CAST: variants seen among roughly 807,000 people sequenced by gnomAD.
CAST encodes calpastatin, also known as MIR583 host.
CAST carries 76 observed loss-of-function variants against 119.6 expected under a neutral mutation model. That is an observed-to-expected ratio of 0.64 (90% CI 0.53 to 0.77). CAST has a LOEUF of 0.77. CAST is among the 30% of genes least tolerant of loss of function. The probability of loss-of-function intolerance (pLI) is 0.00; values close to 1 mark genes in which losing one functional copy is unlikely to be tolerated. For missense variants in CAST, 953 were observed against 946.5 expected, an observed-to-expected ratio of 1.01 and a Z score of -0.09; for synonymous variants, 319 against 331.6, an observed-to-expected ratio of 0.96 and a Z score of 0.41.
chr5:96,304,494 T>C, the CAST span, among the ~76,000 whole-genome samples: 2 of 152,224 alleles, frequency 1.3e-5, no homozygotes, highest in African/African-American at 4.8e-5. Flanking sequence ...TTGCCATTGC[T>C]TTTGGTGTTT....
chr5:96,582,516 G>T (rs976790891), intron 1 of CAST, among the ~76,000 whole-genome samples: 1 of 152,232 alleles, frequency 6.6e-6, no homozygotes, highest in Admixed American at 6.5e-5. Flanking sequence ...CTCGCTGTGT[G>T]TCTAAGATCG....
the CAST span, among the ~76,000 whole-genome samples, chr5:96,129,837 G>A: frequency 7.3e-6 from 1 of 136,072 alleles, no homozygotes; most frequent in African/African-American, 2.7e-5. Context: ...ATACTATGAA[G>A]CTATTTCTAA....
chr5:96,082,184 T>C, the CAST span, among the ~76,000 whole-genome samples: 1 of 152,222 alleles, frequency 6.6e-6, no homozygotes, highest in Non-Finnish European at 1.5e-5. Context: ...AGTGCTGGGA[T>C]TACAGGTGTG....
At chr5:96,657,980 C>T (rs1290641180), upstream of CAST, among the ~76,000 whole-genome samples, 2 of 152,004 alleles carry the variant, frequency 1.3e-5, no homozygotes, top group Admixed American at 6.6e-5. Context: ...ACCTGTAATC[C>T]CAGCTACTCA....
the CAST span, among the ~76,000 whole-genome samples, chr5:96,361,893 A>G: frequency 7.1e-6 from 1 of 140,166 alleles, no homozygotes; most frequent in Non-Finnish European, 1.5e-5. Flanking sequence ...GTGCAGGTTC[A>G]TTACATATGT....
chr5:96,646,811 T>C (rs957852025), intron 1 of CAST, among the ~76,000 whole-genome samples: 16 of 152,166 alleles, frequency 1.1e-4, no homozygotes, highest in African/African-American at 3.9e-4. Flanking sequence ...ATCAAGTGCA[T>C]GTATAATGTG....
chr5:96,408,375 G>T, the CAST span: 1 of 1,332,036 alleles, frequency 7.5e-7, no homozygotes, highest in South Asian at 1.2e-5. Context: ...TGAGGAGTGT[G>T]GGCCTGTCTT....
rs745555802 is a variant in CAST at position 96,727,489 on chromosome 5, G to C, written c.337G>C (p.Ala113Pro). 4 of 1,532,650 alleles carry C rather than the reference G, an allele frequency of 2.6e-6. No individual in the cohort carries two copies. The East Asian group carries it at 9.4e-5, about 36-fold the overall frequency. The allele number at this position is 1,532,650 out of a possible 1,614,324, so 94.9% of individuals were successfully genotyped here. The change falls in exon 6 of 32, where the codon GCT becomes CCT. Residue 113 changes from alanine to proline, a missense_variant and splice_region_variant. Ala to Pro is a conservative substitution (Grantham distance 27). Coordinates refer to ENST00000675179, the MANE Select transcript of CAST (RefSeq NM_001750.7). ...TTTCTTTCTTTTTTTCTGAACTTAG[G>C]CTGTAAAAACAGAACCTGAGAAGAA... ...LPNKKKHKKQ[A>P]VKTEPEKKSQ...
the CAST span, among the ~76,000 whole-genome samples, chr5:96,040,330 T>C: frequency 6.6e-6 from 1 of 152,210 alleles, no homozygotes; most frequent in African/African-American, 2.4e-5. Context: ...AGAGACAATT[T>C]GACTTCCTCT....
chr5:96,088,300 A>G, the CAST span, among the ~76,000 whole-genome samples: 1 of 152,106 alleles, frequency 6.6e-6, no homozygotes, highest in African/African-American at 2.4e-5. Flanking sequence ...ATGTCAGTTA[A>G]CCCTCGATGC....
intron 2 of CAST, among the ~76,000 whole-genome samples, chr5:96,690,043 A>G (rs746675655): frequency 3.3e-5 from 5 of 152,136 alleles, no homozygotes; most frequent in South Asian, 2.1e-4. Context: ...TGGTCAGTGC[A>G]GCAACCTCAG....
At chr5:96,755,443 T>G (rs918875471) in intron 22 of CAST, among the ~76,000 whole-genome samples, 1 of 152,236 alleles carries the variant, frequency 6.6e-6, no homozygotes, top group Non-Finnish European at 1.5e-5. Flanking sequence ...AGAACCTATT[T>G]AACATTGAGT....
chr5:96,412,731 C>CACTGTGTA, the CAST span, among the ~76,000 whole-genome samples: 1 of 139,684 alleles, frequency 7.2e-6, no homozygotes, highest in African/African-American at 3.0e-5. Flanking sequence ...CAATACCATG[C>CACTGTGTA]ACTGTGTAGG....
chr5:96,161,656 A>G, the CAST span, among the ~76,000 whole-genome samples: 1 of 152,212 alleles, frequency 6.6e-6, no homozygotes, highest in Admixed American at 6.5e-5. Flanking sequence ...CTACAAGAAG[A>G]CAGCTGAAGT....
chr5:96,081,848 A>G, the CAST span, among the ~76,000 whole-genome samples: 1 of 152,206 alleles, frequency 6.6e-6, no homozygotes, highest in Non-Finnish European at 1.5e-5. Context: ...AAACTTCTCC[A>G]TTGTAAATGA....
chr5:96,748,706 T>C, intron 19 of CAST, 93 bp downstream of exon 19: 1 of 633,890 alleles, frequency 1.6e-6, no homozygotes, highest in South Asian at 2.0e-5. Flanking sequence ...AGCAGTCTGT[T>C]AGAAAGCCCA....
the CAST span, among the ~76,000 whole-genome samples, chr5:96,445,655 T>G: frequency 1.3e-5 from 2 of 152,226 alleles, no homozygotes. Context: ...CTGGAATTCT[T>G]AAGTTCCCAG....
At chr5:96,387,332 A>C in the CAST span, among the ~76,000 whole-genome samples, 1 of 152,218 alleles carries the variant, frequency 6.6e-6, no homozygotes, top group Non-Finnish European at 1.5e-5. Flanking sequence ...CAGCAGGTTC[A>C]CGGCCATTCA....
chr5:96,368,907 T>A, the CAST span, among the ~76,000 whole-genome samples: 1 of 152,270 alleles, frequency 6.6e-6, no homozygotes, highest in East Asian at 1.9e-4. Context: ...TTAGAAAGTG[T>A]TACTCCATTT....
Sources: allele counts gnomAD v4.1 joint callset (sites outside exome capture counted in the v4.1 genomes callset), GRCh38; gene constraint gnomAD v4.1.1; transcripts MANE v1.5; gene names NCBI Gene and HGNC (gene_info 2026-07-23, HGNC 2026-07-21).